BCAS3: variants seen among roughly 807,000 people sequenced by gnomAD.
BCAS3 encodes BCAS4/BCAS3 fusion.
In BCAS3, 53 loss-of-function variants were observed where a neutral mutation model predicts 116.1. That is an observed-to-expected ratio of 0.46 (90% confidence interval 0.37 to 0.57). The LOEUF (loss-of-function observed/expected upper bound fraction) is 0.57, where lower values mean the gene tolerates loss of function less well. Among genes scored for constraint, BCAS3 ranks in the 20% least tolerant of loss-of-function variants. The pLI is 0.00. For synonymous variants in BCAS3, 391 were observed against 408.2 expected, an observed-to-expected ratio of 0.96 and a Z score of 0.51; for missense variants, 917 against 1,165.4, an observed-to-expected ratio of 0.79 and a Z score of 3.10.
intron 14 of BCAS3, among the ~76,000 whole-genome samples, chr17:60,989,516 A>G (rs1281604407): frequency 1.3e-5 from 2 of 150,594 alleles, no homozygotes; most frequent in African/African-American, 4.9e-5. Context: ...ACTCATTTAC[A>G]TATGTTCTAT....
Position 61,095,844 on chromosome 17 carries a change from T to TACACACAC in BCAS3, c.2425+11302_2425+11309dup, listed in dbSNP as rs10671633. 0.01 allele frequency among the ~76,000 whole-genome samples: 1,468 copies of TACACACAC among 146,338 alleles called. 35 individuals are homozygous for TACACACAC. The highest frequency in any genetic ancestry group is 0.035 in the African/African-American group (1,402 of 40,060). ...AAAACCACTGGTATGCATATTCTCG[T>TACACACAC]ACACACACACACACACACACACACA... On this transcript the variant is annotated intron_variant, in intron 22 of 23. Coordinates refer to ENST00000407086, the MANE Select transcript of BCAS3 (RefSeq NM_017679.5). This position sits in a 1 kb window ranked among gnomAD's most constrained non-coding sequence, Gnocchi z 4.7.
At chr17:61,172,338 T>C (rs1387539123) in intron 22 of BCAS3, among the ~76,000 whole-genome samples, 2 of 152,200 alleles carry the variant, frequency 1.3e-5, no homozygotes, top group Non-Finnish European at 2.9e-5. Context: ...CTATTTACTA[T>C]AATAATTCAT....
At position 61,355,477 on chromosome 17, in the gene BCAS3, C is replaced by CA. The variant is rs397835641; in HGVS notation, c.2426-12839dup. ...CTCGCTGGCACTCCAGCCATATTTT[C>CA]AAAAAAAAAAATTCAGCATGGTAGT... On this transcript the variant is annotated intron_variant, in intron 22 of 23. Transcript: ENST00000407086. This position sits in a 1 kb window ranked among gnomAD's most constrained non-coding sequence, Gnocchi z 4.2. Among the ~76,000 whole-genome samples, 36,461 of 148,714 alleles carry CA rather than the reference C, an allele frequency of 0.25. 5,015 individuals carry two copies. Among genetic ancestry groups the CA allele is most frequent in the East Asian group, 0.52 (2,641 of 5,084 alleles).
intron 6 of BCAS3, among the ~76,000 whole-genome samples, chr17:60,749,857 G>A (rs2042301608): frequency 6.6e-6 from 1 of 152,134 alleles, no homozygotes; most frequent in African/African-American, 2.4e-5. Flanking sequence ...GGAATACAAT[G>A]TTGGCTAACA....
intron 22 of BCAS3, among the ~76,000 whole-genome samples, chr17:61,206,307 C>T (rs897156531): frequency 6.6e-6 from 1 of 152,190 alleles, no homozygotes; most frequent in Admixed American, 6.5e-5. Context: ...TTCATCGTGT[C>T]TGCAGTGTTC....
chr17:60,744,314 A>G (rs1044332209), intron 5 of BCAS3, among the ~76,000 whole-genome samples: 2 of 152,226 alleles, frequency 1.3e-5, no homozygotes, highest in Admixed American at 1.3e-4. Context: ...TAAAACCTAA[A>G]AAATCACTCT....
rs1715665320 is a variant in BCAS3 at position 61,213,402 on chromosome 17, T to C, written c.2425+128838T>C. On this transcript the variant is annotated intron_variant, in intron 22 of 23. Transcript: ENST00000407086. The surrounding 1 kb of genome is among the most constrained non-coding windows in gnomAD (Gnocchi z 5.4). ...CCAGGCTGGTCTTGAACTCCTGACC[T>C]CGTGATCCACCCGCCTCGACTTCCC... Among the ~76,000 whole-genome samples, 1 of 152,018 alleles carries C rather than the reference T, an allele frequency of 6.6e-6. No individual in the cohort carries two copies. Among genetic ancestry groups the C allele is most frequent in the Non-Finnish European group, 1.5e-5 (1 of 67,980 alleles).
At chr17:61,114,318 A>G (rs796662527) in intron 22 of BCAS3, among the ~76,000 whole-genome samples, 12,731 of 143,106 alleles carry the variant, frequency 0.089, 1,709 homozygotes, top group African/African-American at 0.3. Flanking sequence ...TGCAGATGAC[A>G]TGATTGTATA....
chr17:61,178,792 C>A (rs1455826918), intron 22 of BCAS3, among the ~76,000 whole-genome samples: 2 of 151,978 alleles, frequency 1.3e-5, no homozygotes, highest in Non-Finnish European at 2.9e-5. Flanking sequence ...GGAATTAGTA[C>A]CCCCAAATTT....
intron 6 of BCAS3, among the ~76,000 whole-genome samples, chr17:60,797,381 TA>T (rs937805601): frequency 1.4e-4 from 21 of 151,884 alleles, no homozygotes; most frequent in African/African-American, 4.4e-4. Context: ...TTTATTTATT[TA>T]TTTTTTTGTG....
At position 61,261,438 on chromosome 17, in the gene BCAS3, GT is replaced by G. The variant is rs893806512; in HGVS notation, c.2426-106881del. The stretch of plus-strand genomic sequence containing the variant: ...TTCAAGGCTCAAAACAGCTTGTAAA[GT>G]TTTTTTTATCATTCCTTTCCAGATT... On this transcript the variant is annotated intron_variant, in intron 22 of 23. Transcript: ENST00000407086. The surrounding 1 kb of genome is among the most constrained non-coding windows in gnomAD (Gnocchi z 4.4). Among the ~76,000 whole-genome samples the G allele has an allele frequency of 3.3e-5, 5 of 151,994 alleles. No individual in the cohort carries two copies. Among genetic ancestry groups the G allele is most frequent in the Non-Finnish European group, 5.9e-5 (4 of 68,004 alleles).
chr17:61,078,508 A>G lies in BCAS3; in HGVS notation c.2306A>G (p.Asp769Gly). 4.3e-6 allele frequency: 7 copies of G among 1,613,948 alleles called. No individual in the cohort carries two copies. Among genetic ancestry groups the G allele is most frequent in the Non-Finnish European group, 5.9e-6 (7 of 1,179,890 alleles). Reference protein sequence around the residue: ...PQPLLDFDTDDLDLNSLRIQP... With the variant: ...PQPLLDFDTDGLDLNSLRIQP... ...CCTCTTTTGGATTTTGATACAGATGATCTTGATCTCAACAGTCTCAGGTAG... is the reference window on the plus strand; with the variant it reads ...CCTCTTTTGGATTTTGATACAGATGGTCTTGATCTCAACAGTCTCAGGTAG... Residue 769 changes from aspartate (D) to glycine (G), a missense_variant, in exon 21 of 24, where the codon GAT (aspartate) becomes GGT (glycine). Physicochemically the swap from Asp to Gly is moderately conservative, Grantham distance 94. Coordinates refer to ENST00000407086, the MANE Select transcript of BCAS3 (RefSeq NM_017679.5).
In BCAS3 at chr17:61,327,452, AG is replaced by A. The variant is rs1280445653; in HGVS notation, c.2426-40872del. Among the ~76,000 whole-genome samples the A allele has an allele frequency of 1.3e-5, 2 of 152,188 alleles. No homozygotes were observed. The highest frequency in any genetic ancestry group is 2.9e-5 in the Non-Finnish European group (2 of 68,034). On this transcript the variant is annotated intron_variant, in intron 22 of 23. Transcript: ENST00000407086. The surrounding 1 kb of genome is among the most constrained non-coding windows in gnomAD (Gnocchi z 5.9). ...ATAGAATTGTAATGAGACTATATTG[AG>A]GGTTAGATAACAGGCAAGTATGTGG...
chr17:61,148,098 A>G (rs2077343253), intron 22 of BCAS3, among the ~76,000 whole-genome samples: 1 of 152,242 alleles, frequency 6.6e-6, no homozygotes, highest in African/African-American at 2.4e-5. Context: ...TAAGTGCTAT[A>G]GGAATTTTAG....
intron 5 of BCAS3, among the ~76,000 whole-genome samples, chr17:60,722,058 TATCTATCATATGA>T (rs1305727480): frequency 1.3e-5 from 2 of 152,226 alleles, no homozygotes; most frequent in African/African-American, 4.8e-5. Flanking sequence ...TGCTGTGTTG[TATCTATCATATGA>T]ATACAATAAA....
intron 19 of BCAS3, among the ~76,000 whole-genome samples, chr17:61,064,550 T>C (rs1214340924): frequency 1.3e-5 from 2 of 152,104 alleles, no homozygotes; most frequent in Non-Finnish European, 2.9e-5. Context: ...GCTCCTTAGT[T>C]TATGTCTTCT....
rs1363270068 is a variant in BCAS3, at chr17:61,073,416, C to T, written c.2030-1504C>T. ...GAGTCTGTGTCTTTTAAAATCTTGC[C>T]CTAGGTTATGCTTTGTCTACTTTAT... On this transcript the variant is annotated intron_variant, in intron 19 of 23. Coordinates refer to ENST00000407086, the MANE Select transcript of BCAS3 (RefSeq NM_017679.5). The surrounding 1 kb of genome is among the most constrained non-coding windows in gnomAD (Gnocchi z 4.6). Among the ~76,000 whole-genome samples the T allele has an allele frequency of 2.0e-5, 3 of 152,050 alleles. No homozygotes were observed.
intron 17 of BCAS3, among the ~76,000 whole-genome samples, chr17:61,035,822 A>G (rs2066984576): frequency 6.6e-6 from 1 of 152,204 alleles, no homozygotes; most frequent in Non-Finnish European, 1.5e-5. Flanking sequence ...GGTAGCGTAT[A>G]CAGCGTGGAT....
chr17:61,337,924 G>A lies in BCAS3; in HGVS notation c.2426-30403G>A, dbSNP rs191637774. 4.6e-5 allele frequency among the ~76,000 whole-genome samples: 7 copies of A among 152,154 alleles called. No homozygotes were observed. The highest frequency in any genetic ancestry group is 1.2e-4 in the African/African-American group (5 of 41,424). ...AAACCAAGGCTCGGTGAGGTAAAGC[G>A]CTTCATCCAGTACCCCACAGCTCTA... On this transcript the variant is annotated intron_variant, in intron 22 of 23. Coordinates refer to ENST00000407086, the MANE Select transcript of BCAS3 (RefSeq NM_017679.5). This position sits in a 1 kb window ranked among gnomAD's most constrained non-coding sequence, Gnocchi z 4.8.
Sources: gnomAD v4.1 joint callset for allele counts (sites outside exome capture counted in the v4.1 genomes callset) on GRCh38, gnomAD v4.1.1 for gene constraint, Gnocchi (gnomAD v3.1) non-coding constraint, MANE v1.5 for transcripts, NCBI Gene and HGNC (gene_info 2026-07-23, HGNC 2026-07-21) for gene names.